Variants in CADPS2 observed in about 807,000 individuals in gnomAD.
CADPS2 encodes the protein calcium dependent secretion activator 2.
CADPS2 carries 93 observed loss-of-function variants against 172.5 expected under a neutral mutation model. The observed-to-expected ratio is 0.54, with a 90% CI of 0.46 to 0.64. The LOEUF (loss-of-function observed/expected upper bound fraction) is 0.64, where lower values mean the gene tolerates loss of function less well. Ranked by LOEUF, CADPS2 falls within the 30% of genes least tolerant of loss-of-function variation. The probability of loss-of-function intolerance (pLI) is 0.00; values close to 1 mark genes in which losing one functional copy is unlikely to be tolerated. For synonymous variants in CADPS2, 546 were observed against 555.2 expected (o/e 0.98, Z 0.23); for missense variants, 1,420 against 1,565.9 (o/e 0.91, Z 1.57).
At chr7:122,820,801 C>A (rs1239855126) in intron 1 of CADPS2, among the ~76,000 whole-genome samples, 1 of 136,916 alleles carries the variant, frequency 7.3e-6, no homozygotes. Flanking sequence ...CCTCGTGATC[C>A]GCCCGCCTCG....
At chr7:122,633,617 T>C (rs897586596) in intron 3 of CADPS2, among the ~76,000 whole-genome samples, 1 of 152,156 alleles carries the variant, frequency 6.6e-6, no homozygotes, top group Non-Finnish European at 1.5e-5. Context: ...AGGGGTTTTC[T>C]ACATATAGAA....
chr7:122,616,775 G>A (rs1459214214), intron 5 of CADPS2, among the ~76,000 whole-genome samples: 5 of 152,064 alleles, frequency 3.3e-5, no homozygotes, highest in African/African-American at 9.7e-5. Flanking sequence ...AATAAGCAAA[G>A]GAAGTTATGC....
At chr7:122,487,868 A>G (rs764551928) in intron 11 of CADPS2, among the ~76,000 whole-genome samples, 2 of 152,232 alleles carry the variant, frequency 1.3e-5, no homozygotes, top group Non-Finnish European at 2.9e-5. Flanking sequence ...AGTAATCAGA[A>G]GAATGAGATT....
intron 3 of CADPS2, among the ~76,000 whole-genome samples, chr7:122,637,344 C>T (rs547206390): frequency 6.6e-6 from 1 of 151,926 alleles, no homozygotes; most frequent in African/African-American, 2.4e-5. Context: ...CAAATGTGCA[C>T]CACCATACCT....
chr7:122,525,321 T>C (rs1003645632), intron 8 of CADPS2, among the ~76,000 whole-genome samples: 11 of 152,170 alleles, frequency 7.2e-5, no homozygotes, highest in Non-Finnish European at 1.6e-4. Flanking sequence ...TAGAGTAACA[T>C]CTTCCTGTAA....
chr7:122,712,764 G>A (rs2088956364), intron 2 of CADPS2, among the ~76,000 whole-genome samples: 1 of 152,004 alleles, frequency 6.6e-6, no homozygotes, highest in African/African-American at 2.4e-5. Context: ...AGTAGATTTG[G>A]TGTCTCATGA....
chr7:122,406,859 C>T (rs1447183124), intron 20 of CADPS2, among the ~76,000 whole-genome samples: 1 of 152,070 alleles, frequency 6.6e-6, no homozygotes, highest in Non-Finnish European at 1.5e-5. Flanking sequence ...GGTAACCAAA[C>T]TTGAGACTAA....
intron 9 of CADPS2, among the ~76,000 whole-genome samples, chr7:122,492,215 A>T (rs35499997): frequency 0.03 from 4,551 of 152,048 alleles, 196 homozygotes; most frequent in African/African-American, 0.1. Context: ...TTAATTAATT[A>T]AATTAAATTA....
intron 12 of CADPS2, among the ~76,000 whole-genome samples, chr7:122,477,061 AGAG>A (rs1448236926): frequency 7.2e-6 from 1 of 138,272 alleles, no homozygotes; most frequent in East Asian, 2.1e-4. Context: ...GAAGAGAGAG[AGAG>A]AGAGAGAGAG....
At chr7:122,880,808 T>A (rs1298336134) in intron 1 of CADPS2, among the ~76,000 whole-genome samples, 1 of 152,206 alleles carries the variant, frequency 6.6e-6, no homozygotes, top group South Asian at 2.1e-4. Context: ...CATAAAATGA[T>A]ATATTACAGA....
chr7:122,662,018 C>G (rs1239190121), intron 3 of CADPS2, among the ~76,000 whole-genome samples: 1 of 152,276 alleles, frequency 6.6e-6, no homozygotes, highest in East Asian at 1.9e-4. Context: ...AAATTGTTCA[C>G]AGGGTTAAAG....
intron 2 of CADPS2, chr7:122,698,212 T>G (rs759414433): frequency 6.2e-7 from 1 of 1,613,756 alleles, no homozygotes; most frequent in African/African-American, 1.3e-5. Flanking sequence ...AAGTTGGAGT[T>G]GTCCAAATGT....
intron 14 of CADPS2, among the ~76,000 whole-genome samples, chr7:122,464,074 A>AAAAC (rs544469593): frequency 1.4e-4 from 22 of 152,328 alleles, no homozygotes; most frequent in African/African-American, 4.3e-4. Flanking sequence ...CATTCTCTAA[A>AAAAC]AAACAAACAA....
intron 27 of CADPS2, among the ~76,000 whole-genome samples, chr7:122,348,682 A>G (rs527384315): frequency 6.6e-6 from 1 of 152,306 alleles, no homozygotes; most frequent in South Asian, 2.1e-4. Context: ...TTTCACACCT[A>G]GTGAATACAT....
At chr7:122,362,712 C>G in intron 25 of CADPS2, among the ~76,000 whole-genome samples, 1 of 152,176 alleles carries the variant, frequency 6.6e-6, no homozygotes, top group East Asian at 1.9e-4. Flanking sequence ...TTAACGAAGA[C>G]TGGTTTTTGT....
At chr7:122,694,911 C>CA (rs1225978569) in intron 2 of CADPS2, among the ~76,000 whole-genome samples, 2 of 152,178 alleles carry the variant, frequency 1.3e-5, no homozygotes, top group Non-Finnish European at 2.9e-5. Context: ...CTGCTTGCTT[C>CA]AGTGCCTTCC....
chr7:122,387,413 G>A (rs2043824734), intron 23 of CADPS2, among the ~76,000 whole-genome samples: 2 of 151,882 alleles, frequency 1.3e-5, no homozygotes, highest in South Asian at 4.2e-4. Context: ...AGGCAGTATT[G>A]CCACCCAAAT....
intron 1 of CADPS2, among the ~76,000 whole-genome samples, chr7:122,784,519 T>C (rs1793562288): frequency 6.6e-6 from 1 of 152,224 alleles, no homozygotes; most frequent in Admixed American, 6.5e-5. Flanking sequence ...TGGGTGATAC[T>C]TTCTGAATGA....
chr7:122,733,617 T>C (rs2091885051), intron 2 of CADPS2, among the ~76,000 whole-genome samples: 1 of 151,964 alleles, frequency 6.6e-6, no homozygotes, highest in African/African-American at 2.4e-5. Flanking sequence ...GTCACAAATG[T>C]TACTCTGAGT....
Sources: allele counts gnomAD v4.1 joint callset (sites outside exome capture counted in the v4.1 genomes callset), GRCh38; gene constraint gnomAD v4.1.1; transcripts MANE v1.5; gene names NCBI Gene and HGNC (gene_info 2026-07-23, HGNC 2026-07-21).